The following NNMT variants were observed in gnomAD, a reference collection of about 807,000 sequenced individuals.
NNMT encodes the protein nicotinamide N-methyltransferase.
NNMT carries 10 observed loss-of-function variants against 11.7 expected under a neutral mutation model. That is an observed-to-expected ratio of 0.85 (90% CI 0.53 to 1.45). NNMT has a LOEUF of 1.45. Ranked by LOEUF, NNMT falls within the 40% of genes most tolerant of loss-of-function variation. The probability of loss-of-function intolerance (pLI) is 0.00; values close to 1 mark genes in which losing one functional copy is unlikely to be tolerated. For missense variants in NNMT, 381 were observed against 319.4 expected (o/e 1.19, Z -1.47); for synonymous variants, 143 against 133.8 (o/e 1.07, Z -0.48).
intron 2 of NNMT, among the ~76,000 whole-genome samples, chr11:114,279,486 G>A (rs553327768): frequency 2.6e-3 from 397 of 152,270 alleles, no homozygotes; most frequent in African/African-American, 9.4e-3. Flanking sequence ...ACTGCTAAAA[G>A]CATGGTGCTG....
At chr11:114,279,116 C>T (rs1177572561) in intron 2 of NNMT, among the ~76,000 whole-genome samples, 3 of 152,118 alleles carry the variant, frequency 2.0e-5, no homozygotes, top group African/African-American at 7.2e-5. Flanking sequence ...CTCCTTTGAT[C>T]CTCAAGTCAC....
At chr11:114,282,635 G>A (rs891291683) in intron 2 of NNMT, among the ~76,000 whole-genome samples, 4 of 152,146 alleles carry the variant, frequency 2.6e-5, no homozygotes, top group South Asian at 2.1e-4. Flanking sequence ...ACAGATTAAT[G>A]TATGGCACTA....
At chr11:114,259,749 C>T (rs1003090008) in intron 1 of NNMT, among the ~76,000 whole-genome samples, 2 of 152,174 alleles carry the variant, frequency 1.3e-5, no homozygotes, top group African/African-American at 2.4e-5. Flanking sequence ...CCCCCTGCAG[C>T]GCTAATTACC....
intron 1 of NNMT, among the ~76,000 whole-genome samples, chr11:114,259,566 G>A (rs1213947982): frequency 6.6e-6 from 1 of 152,168 alleles, no homozygotes; most frequent in East Asian, 1.9e-4. Flanking sequence ...CATGGGGGCA[G>A]GTCCATCCCC....
At chr11:114,259,338 G>T (rs941255226) in intron 1 of NNMT, among the ~76,000 whole-genome samples, 1 of 131,758 alleles carries the variant, frequency 7.6e-6, no homozygotes, top group African/African-American at 3.1e-5. Flanking sequence ...CACACACGCA[G>T]AGGCCCAGTG....
chr11:114,301,847 A>G (rs955975403), intron 2 of NNMT, among the ~76,000 whole-genome samples: 7 of 151,966 alleles, frequency 4.6e-5, no homozygotes, highest in South Asian at 2.1e-4. Flanking sequence ...AACAAAATCA[A>G]TTTTTAAAAA....
chr11:114,312,020 A>G (rs1323493848), intron 2 of NNMT, 25 bp from the exon 3 acceptor site: 5 of 1,528,976 alleles, frequency 3.3e-6, no homozygotes, highest in African/African-American at 1.4e-5. Flanking sequence ...GTGGAAAACA[A>G]TGTCTGTGGG....
At chr11:114,258,644 A>G (rs1945049907) in intron 1 of NNMT, among the ~76,000 whole-genome samples, 1 of 152,164 alleles carries the variant, frequency 6.6e-6, no homozygotes, top group African/African-American at 2.4e-5. Context: ...AAAAATGCAA[A>G]TAGCATCATG....
intron 2 of NNMT, among the ~76,000 whole-genome samples, chr11:114,307,841 C>G (rs1945507213): frequency 6.6e-6 from 1 of 151,888 alleles, no homozygotes; most frequent in Non-Finnish European, 1.5e-5. Context: ...TATATCTCTG[C>G]TTGCCCGACT....
At chr11:114,296,791 C>T in intron 1 of NNMT, 81 bp downstream of exon 1, 2 of 1,387,924 alleles carry the variant, frequency 1.4e-6, no homozygotes, top group South Asian at 2.5e-5. Flanking sequence ...TTTTGTGTCT[C>T]TCGTTGTTGC....
chr11:114,312,091 C>A lies in NNMT; in HGVS notation c.409C>A (p.Gln137Lys). The A allele has an allele frequency of 6.2e-7, 1 of 1,600,210 alleles. No homozygotes were observed. The highest frequency in any genetic ancestry group is 8.5e-7 in the Non-Finnish European group (1 of 1,170,556). Residue 137 changes from glutamine (Q) to lysine (K), a missense_variant, in exon 3 of 3, where the codon CAG (glutamine) becomes AAG (lysine). Gln to Lys is a moderately conservative substitution (Grantham distance 53). Transcript: ENST00000299964. ...KEEKLRQAVK[Q>K]VLKCDVTQSQ... Reference sequence around the variant, plus strand: ...GGAGAAGTTGAGACAGGCGGTCAAGCAGGTGCTGAAGTGTGATGTGACTCA... The same window carrying A: ...GGAGAAGTTGAGACAGGCGGTCAAGAAGGTGCTGAAGTGTGATGTGACTCA...
At chr11:114,293,772 T>C (rs1945351069), upstream of NNMT, among the ~76,000 whole-genome samples, 2 of 152,026 alleles carry the variant, frequency 1.3e-5, no homozygotes, top group African/African-American at 4.8e-5. Flanking sequence ...GACACAGCAA[T>C]CCTATTGCCA....
At chr11:114,299,877 T>C (rs11822724) in intron 2 of NNMT, among the ~76,000 whole-genome samples, 2,508 of 152,056 alleles carry the variant, frequency 0.016, 61 homozygotes, top group African/African-American at 0.055. Flanking sequence ...ATTCTTGATA[T>C]TGGTAATTTG....
chr11:114,300,930 G>T (rs1168881319), intron 2 of NNMT, among the ~76,000 whole-genome samples: 1 of 152,150 alleles, frequency 6.6e-6, no homozygotes, highest in Non-Finnish European at 1.5e-5. Flanking sequence ...TTTCACCTTT[G>T]TGTAATCCCC....
At chr11:114,297,902 C>A (rs765171538) in intron 1 of NNMT, 49 bp from the exon 2 acceptor site, 2 of 1,531,124 alleles carry the variant, frequency 1.3e-6, no homozygotes, top group Non-Finnish European at 1.8e-6. Flanking sequence ...ACTCTGCCCA[C>A]TGCCATGAGA....
rs1368298186 is a variant in NNMT at position 114,297,959 on chromosome 11, A to G, written c.163A>G (p.Lys55Glu). Residue 55 changes from lysine (K) to glutamate (E), a missense_variant, in exon 2 of 3, where the codon AAG (lysine) becomes GAG (glutamate). Transcript: ENST00000299964. Reference sequence around the variant, plus strand: ...TCCTCCCACTAATCCAGACGGTGTGAAGGGAGACCTGCTGATTGACATCGG... The same window carrying G: ...TCCTCCCACTAATCCAGACGGTGTGGAGGGAGACCTGCTGATTGACATCGG... Reference protein sequence around the residue: ...LFKIFCLDGVKGDLLIDIGSG... With the variant: ...LFKIFCLDGVEGDLLIDIGSG... 1 of 1,612,586 alleles carries G rather than the reference A, an allele frequency of 6.2e-7. No individual in the cohort carries two copies. Among genetic ancestry groups the G allele is most frequent in the East Asian group, 2.2e-5 (1 of 44,882 alleles).
rs766889700 is a variant in NNMT, at chr11:114,312,456, G to A, written c.774G>A (p.Arg258=). 6 of 1,613,898 alleles carry A rather than the reference G, an allele frequency of 3.7e-6. No individual in the cohort carries two copies. The East Asian group carries it at 1.3e-4, about 36-fold the overall frequency. ...NNEGLFSLVA[R]KLSRPL The stretch of plus-strand genomic sequence containing the variant: ...AAGGACTTTTCTCCCTGGTGGCGAG[G>A]AAGCTGAGCAGACCCCTGTGATGCC... Residue 258 remains arginine (R), a synonymous_variant, in exon 3 of 3, where the codon AGG becomes AGA. Coordinates refer to ENST00000299964, the MANE Select transcript of NNMT (RefSeq NM_006169.3).
chr11:114,304,025 T>G (rs1241713244), intron 2 of NNMT, among the ~76,000 whole-genome samples: 3 of 152,208 alleles, frequency 2.0e-5, no homozygotes, highest in Non-Finnish European at 4.4e-5. Flanking sequence ...ATAAAAATAA[T>G]TTCATACACC....
At chr11:114,271,787 A>G (rs899881447) in intron 2 of NNMT, among the ~76,000 whole-genome samples, 10 of 152,200 alleles carry the variant, frequency 6.6e-5, no homozygotes, top group African/African-American at 1.9e-4. Flanking sequence ...TCTTCATCCT[A>G]GTATCTCACA....
Sources: allele counts gnomAD v4.1 joint callset (sites outside exome capture counted in the v4.1 genomes callset), GRCh38; gene constraint gnomAD v4.1.1; transcripts MANE v1.5; gene names NCBI Gene and HGNC (gene_info 2026-07-23, HGNC 2026-07-21).